Variants in KLHL29 observed in about 807,000 individuals in gnomAD.
KLHL29 encodes kelch-like protein 29.
A neutral mutation model predicts 80.4 loss-of-function variants in KLHL29; 21 were observed. The ratio of observed to expected loss-of-function variants is 0.26; its 90% CI spans 0.19 to 0.38. KLHL29 has a LOEUF of 0.38. Among genes scored for constraint, KLHL29 ranks in the 10% least tolerant of loss-of-function variants. The pLI is 1.00. For missense variants in KLHL29, 867 were observed against 1,223.9 expected, an observed-to-expected ratio of 0.71 and a Z score of 4.35; for synonymous variants, 511 against 526.8, an observed-to-expected ratio of 0.97 and a Z score of 0.41.
chr2:23,643,024 G>T (rs1293328721), intron 5 of KLHL29, 174 bp downstream of exon 5: 1 of 799,622 alleles, frequency 1.3e-6, no homozygotes, highest in Admixed American at 2.0e-5. Context: ...TGAGATGGGG[G>T]AGGGAGGGGG....
intron 2 of KLHL29, among the ~76,000 whole-genome samples, chr2:23,536,346 G>A (rs1666659668): frequency 6.6e-6 from 1 of 152,236 alleles, no homozygotes; most frequent in Non-Finnish European, 1.5e-5. Flanking sequence ...GGAAATTAGA[G>A]TACGCTGTGT....
In KLHL29 at chr2:23,503,959, G is replaced by A. The variant is rs1665524786; in HGVS notation, c.-46+28292G>A. On this transcript the variant is annotated intron_variant, in intron 2 of 13. Coordinates refer to ENST00000486442, the MANE Select transcript of KLHL29 (RefSeq NM_052920.2). The surrounding 1 kb of genome is among the most constrained non-coding windows in gnomAD (Gnocchi z 4.0). ...TGGTTCCAGCCCAGATGAACCCACT[G>A]GGCTGGGAACGCCACACAAAAGCAC... Among the ~76,000 whole-genome samples the A allele has an allele frequency of 6.6e-6, 1 of 152,160 alleles. No individual in the cohort carries two copies. Among genetic ancestry groups the A allele is most frequent in the Admixed American group, 6.5e-5 (1 of 15,280 alleles).
chr2:23,526,827 CAA>C (rs1666336232), intron 2 of KLHL29, among the ~76,000 whole-genome samples: 1 of 152,180 alleles, frequency 6.6e-6, no homozygotes, highest in Non-Finnish European at 1.5e-5. Context: ...AATATTTATA[CAA>C]CAGAAACTGA....
intron 1 of KLHL29, among the ~76,000 whole-genome samples, chr2:23,418,539 G>C (rs929285370): frequency 1.3e-5 from 2 of 152,226 alleles, no homozygotes; most frequent in Admixed American, 1.3e-4. Context: ...CAGTAATCAG[G>C]CATTTGTTAA....
At chr2:23,606,467 G>A (rs1054358474) in intron 3 of KLHL29, among the ~76,000 whole-genome samples, 1 of 152,140 alleles carries the variant, frequency 6.6e-6, no homozygotes, top group Non-Finnish European at 1.5e-5. Flanking sequence ...GGGATCTAAG[G>A]CACGGGGTTA....
In KLHL29 at chr2:23,506,599, T is replaced by C. The variant is rs764300184; in HGVS notation, c.-46+30932T>C. 1.8e-4 allele frequency among the ~76,000 whole-genome samples: 28 copies of C among 152,310 alleles called. No individual in the cohort carries two copies. The South Asian group carries it at 2.1e-3, about 11-fold the overall frequency. On this transcript the variant is annotated intron_variant, in intron 2 of 13. Coordinates refer to ENST00000486442, the MANE Select transcript of KLHL29 (RefSeq NM_052920.2). ...GGTACTCAAGGCTGTTTCCTTCCTCTTTGTGGCTGCTGAAATCACACTAGG... is the reference window on the plus strand; with the variant it reads ...GGTACTCAAGGCTGTTTCCTTCCTCCTTGTGGCTGCTGAAATCACACTAGG...
intron 1 of KLHL29, among the ~76,000 whole-genome samples, chr2:23,418,584 C>T (rs1029550222): frequency 6.6e-6 from 1 of 152,176 alleles, no homozygotes; most frequent in Non-Finnish European, 1.5e-5. Context: ...GTTGCTGACA[C>T]AGGAATTTTC....
intron 3 of KLHL29, among the ~76,000 whole-genome samples, chr2:23,606,218 C>CAGAG (rs1429252620): frequency 6.9e-6 from 1 of 144,052 alleles, no homozygotes; most frequent in African/African-American, 2.6e-5. Context: ...GAGAGAGAGG[C>CAGAG]AGAGAGAGAG....
At chr2:23,521,921 A>G (rs971450293) in intron 2 of KLHL29, among the ~76,000 whole-genome samples, 1 of 152,214 alleles carries the variant, frequency 6.6e-6, no homozygotes, top group Non-Finnish European at 1.5e-5. Flanking sequence ...AAAGCTCACT[A>G]TGCTTACTAA....
At chr2:23,507,728 A>T (rs1255379477) in intron 2 of KLHL29, among the ~76,000 whole-genome samples, 1 of 152,092 alleles carries the variant, frequency 6.6e-6, no homozygotes, top group Non-Finnish European at 1.5e-5. Flanking sequence ...AAATTCACCC[A>T]AAGCAGCCTG....
intron 2 of KLHL29, among the ~76,000 whole-genome samples, chr2:23,526,263 G>A (rs75741477): frequency 0.026 from 3,825 of 147,768 alleles, 151 homozygotes; most frequent in African/African-American, 0.089. Flanking sequence ...TCAGAGGAAC[G>A]TGGGCGGTCG....
intron 7 of KLHL29, among the ~76,000 whole-genome samples, chr2:23,692,670 G>GA (rs904286455): frequency 2.0e-5 from 3 of 152,208 alleles, no homozygotes; most frequent in Admixed American, 6.5e-5. Flanking sequence ...GCATGAAGGG[G>GA]AAAGAGTGCA....
intron 2 of KLHL29, among the ~76,000 whole-genome samples, chr2:23,553,194 G>A (rs987899516): frequency 6.6e-6 from 1 of 152,250 alleles, no homozygotes; most frequent in Admixed American, 6.5e-5. Context: ...ACTTCTGGCT[G>A]CAAAGCAACA....
intron 3 of KLHL29, among the ~76,000 whole-genome samples, chr2:23,635,774 G>C (rs1669592186): frequency 6.6e-6 from 1 of 152,212 alleles, no homozygotes; most frequent in South Asian, 2.1e-4. Flanking sequence ...TCTGCCAAGT[G>C]CCATCATGTC....
intron 1 of KLHL29, among the ~76,000 whole-genome samples, chr2:23,431,901 C>CAAAAAAA (rs11357606): frequency 2.9e-5 from 2 of 67,914 alleles, no homozygotes; most frequent in African/African-American, 5.2e-5. Flanking sequence ...GACTCCATCT[C>CAAAAAAA]AAAAAAAAAA....
At chr2:23,609,615 G>T (rs946093791) in intron 3 of KLHL29, among the ~76,000 whole-genome samples, 2 of 152,056 alleles carry the variant, frequency 1.3e-5, no homozygotes, top group African/African-American at 4.8e-5. Flanking sequence ...GTGGCCTAGA[G>T]ATGGGTAATA....
intron 1 of KLHL29, among the ~76,000 whole-genome samples, chr2:23,395,763 A>G (rs1056747213): frequency 6.6e-6 from 1 of 152,038 alleles, no homozygotes; most frequent in African/African-American, 2.4e-5. Flanking sequence ...AAAGAAAAAA[A>G]AAAAAAAGAA....
intron 5 of KLHL29, among the ~76,000 whole-genome samples, chr2:23,658,621 G>T (rs765124710): frequency 6.6e-6 from 1 of 152,364 alleles, no homozygotes; most frequent in South Asian, 2.1e-4. Flanking sequence ...TGTCTGTCAT[G>T]GGAGGTGAAT....
At chr2:23,629,854 TGAGA>T (rs1280074368) in intron 3 of KLHL29, among the ~76,000 whole-genome samples, 2 of 151,856 alleles carry the variant, frequency 1.3e-5, no homozygotes, top group African/African-American at 4.8e-5. Context: ...CCAACAATCC[TGAGA>T]GAGGGAGAGA....
Sources: allele counts gnomAD v4.1 joint callset (sites outside exome capture counted in the v4.1 genomes callset), GRCh38; gene constraint gnomAD v4.1.1; non-coding constraint Gnocchi (gnomAD v3.1); transcripts MANE v1.5; gene names NCBI Gene and HGNC (gene_info 2026-07-23, HGNC 2026-07-21).